The following MLLT3 variants were observed in gnomAD, a reference collection of about 807,000 sequenced individuals.
MLLT3 encodes MLLT3 super elongation complex subunit, also known as protein AF-9.
A neutral mutation model predicts 53.2 loss-of-function variants in MLLT3; 4 were observed. The observed-to-expected ratio is 0.08, with a 90% CI of 0.04 to 0.17. The LOEUF (loss-of-function observed/expected upper bound fraction) is 0.17. MLLT3 is among the 10% of genes least tolerant of loss of function. The pLI is 1.00. For missense variants in MLLT3, 569 were observed against 684.0 expected (o/e 0.83, Z 1.87); for synonymous variants, 283 against 230.6 (o/e 1.23, Z -2.06).
chr9:20,545,856 CAAAAAAAAA>C (rs5896901), intron 2 of MLLT3, among the ~76,000 whole-genome samples: 1 of 99,842 alleles, frequency 1.0e-5, no homozygotes, highest in Non-Finnish European at 1.9e-5. Flanking sequence ...CAGTCTCTAC[CAAAAAAAAA>C]AAAAAAAAAA....
intron 2 of MLLT3, among the ~76,000 whole-genome samples, chr9:20,601,251 G>A (rs184265475): frequency 1.3e-5 from 2 of 152,122 alleles, no homozygotes; most frequent in African/African-American, 4.8e-5. Flanking sequence ...TAATTAAGGC[G>A]TTTTGTATTC....
intron 5 of MLLT3, among the ~76,000 whole-genome samples, chr9:20,372,729 A>G (rs1821644000): frequency 6.6e-6 from 1 of 151,942 alleles, no homozygotes; most frequent in South Asian, 2.1e-4. Flanking sequence ...ATTTTCAAAA[A>G]TTGCCACAGC....
chr9:20,412,165 T>C (rs1375046125), intron 5 of MLLT3, among the ~76,000 whole-genome samples: 5 of 152,134 alleles, frequency 3.3e-5, no homozygotes, highest in African/African-American at 1.2e-4. Flanking sequence ...TTTGATTGAA[T>C]AATCACAACC....
chr9:20,557,980 T>C (rs1232347111), intron 2 of MLLT3, among the ~76,000 whole-genome samples: 5 of 152,172 alleles, frequency 3.3e-5, no homozygotes, highest in Non-Finnish European at 7.4e-5. Context: ...AATAACTGGA[T>C]AGACGATTGA....
At chr9:20,465,007 C>T (rs6475432) in intron 2 of MLLT3, among the ~76,000 whole-genome samples, 56,375 of 151,910 alleles carry the variant, frequency 0.37, 12,141 homozygotes, top group African/African-American at 0.61. Context: ...TATAAGTAGA[C>T]ATAATTCTTG....
In MLLT3 at chr9:20,620,631, A is replaced by C; in HGVS notation, c.193+23T>G. ...TGTTTCAAAGACATTTTTTATCAAGACCCTTTTGTATTCGAGCCCTACCTC... is the reference window on the plus strand; with the variant it reads ...TGTTTCAAAGACATTTTTTATCAAGCCCCTTTTGTATTCGAGCCCTACCTC... On this transcript the variant is annotated intron_variant, in intron 2 of 10. Coordinates refer to ENST00000380338, the MANE Select transcript of MLLT3 (RefSeq NM_004529.4). This position sits in a 1 kb window ranked among gnomAD's most constrained non-coding sequence, Gnocchi z 6.1. 6.2e-7 allele frequency: 1 copy of C among 1,605,376 alleles called. No homozygotes were observed. Among genetic ancestry groups the C allele is most frequent in the Non-Finnish European group, 8.5e-7 (1 of 1,174,108 alleles).
At chr9:20,430,334 A>G (rs1036501075) in intron 4 of MLLT3, among the ~76,000 whole-genome samples, 16 of 152,160 alleles carry the variant, frequency 1.1e-4, no homozygotes. Context: ...GAAGAAAAAA[A>G]TGATCTACTA....
At chr9:20,450,922 C>T (rs1339361113) in intron 3 of MLLT3, among the ~76,000 whole-genome samples, 1 of 152,206 alleles carries the variant, frequency 6.6e-6, no homozygotes, top group Non-Finnish European at 1.5e-5. Context: ...TTGGCAATAT[C>T]TATCAACATA....
chr9:20,487,641 G>A (rs893683271), intron 2 of MLLT3, among the ~76,000 whole-genome samples: 9 of 151,998 alleles, frequency 5.9e-5, no homozygotes, highest in East Asian at 1.9e-4. Context: ...ATCAGACAAC[G>A]TATCCACAAT....
chr9:20,472,588 T>C (rs1489598741), intron 2 of MLLT3, among the ~76,000 whole-genome samples: 1 of 152,070 alleles, frequency 6.6e-6, no homozygotes, highest in Non-Finnish European at 1.5e-5. Context: ...TTGAACACCC[T>C]AGATTGAACA....
rs923376132 is a variant in MLLT3, at chr9:20,558,369, G to A, written c.193+62285C>T. Among the ~76,000 whole-genome samples the A allele has an allele frequency of 3.3e-5, 5 of 152,148 alleles. 1 individual carries two copies. Among genetic ancestry groups the A allele is most frequent in the Admixed American group, 2.6e-4 (4 of 15,264 alleles). ...GCTGATCTCAAGTGCCTAACCTCAA[G>A]TGATCTGCCTGCCTGCCTGCCTCAG... On this transcript the variant is annotated intron_variant, in intron 2 of 10. Coordinates refer to ENST00000380338, the MANE Select transcript of MLLT3 (RefSeq NM_004529.4).
At chr9:20,568,121 G>A (rs529210468) in intron 2 of MLLT3, among the ~76,000 whole-genome samples, 34 of 152,188 alleles carry the variant, frequency 2.2e-4, no homozygotes, top group African/African-American at 7.2e-4. Context: ...ACTGTGATAC[G>A]TAACATTTTA....
At chr9:20,581,279 G>C (rs1469040640) in intron 2 of MLLT3, among the ~76,000 whole-genome samples, 1 of 152,160 alleles carries the variant, frequency 6.6e-6, no homozygotes, top group Admixed American at 6.6e-5. Flanking sequence ...GTGGGAGTGG[G>C]AAGAGATTTT....
chr9:20,352,532 C>A (rs966631871), intron 10 of MLLT3, among the ~76,000 whole-genome samples: 1 of 152,082 alleles, frequency 6.6e-6, no homozygotes, highest in Non-Finnish European at 1.5e-5. Flanking sequence ...GCAAGAAATG[C>A]AACTTATCTG....
At chr9:20,532,883 G>A (rs937139239) in intron 2 of MLLT3, 9 of 253,762 alleles carry the variant, frequency 3.5e-5, no homozygotes, top group Non-Finnish European at 6.1e-5. Context: ...AGCAAGACAA[G>A]AAGCAGAGCT....
chr9:20,599,594 T>C (rs1820365255), intron 2 of MLLT3, among the ~76,000 whole-genome samples: 1 of 152,004 alleles, frequency 6.6e-6, no homozygotes, highest in Non-Finnish European at 1.5e-5. Flanking sequence ...AACCTAAAAG[T>C]AGAGATATGA....
At chr9:20,522,406 T>C (rs1439006292) in intron 2 of MLLT3, among the ~76,000 whole-genome samples, 12 of 152,218 alleles carry the variant, frequency 7.9e-5, no homozygotes, top group Admixed American at 5.2e-4. Flanking sequence ...TAAAATTAGC[T>C]TTTCCTCTTC....
chr9:20,556,093 T>C (rs946268554), intron 2 of MLLT3, among the ~76,000 whole-genome samples: 1 of 152,212 alleles, frequency 6.6e-6, no homozygotes, highest in African/African-American at 2.4e-5. Flanking sequence ...TTTTCTCATC[T>C]AGTAATAAAC....
At chr9:20,501,422 C>T (rs1417895293) in intron 2 of MLLT3, among the ~76,000 whole-genome samples, 3 of 152,060 alleles carry the variant, frequency 2.0e-5, no homozygotes, top group Non-Finnish European at 2.9e-5. Context: ...TTACAATATC[C>T]AAAGGAGCCC....
Sources: gnomAD v4.1 joint callset for allele counts (sites outside exome capture counted in the v4.1 genomes callset) on GRCh38, gnomAD v4.1.1 for gene constraint, Gnocchi (gnomAD v3.1) non-coding constraint, MANE v1.5 for transcripts, NCBI Gene and HGNC (gene_info 2026-07-23, HGNC 2026-07-21) for gene names.